Variants in RERE observed in about 807,000 individuals in gnomAD.
The protein encoded by RERE is arginine-glutamic acid dipeptide repeats protein.
Under a neutral mutation model 146.1 loss-of-function variants are expected in RERE, and 40 were observed. That is an observed-to-expected ratio of 0.27 (90% CI 0.21 to 0.36). The LOEUF (loss-of-function observed/expected upper bound fraction) is 0.36, where lower values mean the gene tolerates loss of function less well. Ranked by LOEUF, RERE falls within the 10% of genes least tolerant of loss-of-function variation. The pLI is 1.00. For synonymous variants in RERE, 1,003 were observed against 866.0 expected (o/e 1.16, Z -2.78); for missense variants, 1,933 against 2,138.7 (o/e 0.90, Z 1.90).
intron 12 of RERE, among the ~76,000 whole-genome samples, chr1:8,420,818 C>G (rs1643900416): frequency 6.6e-6 from 1 of 152,078 alleles, no homozygotes; most frequent in South Asian, 2.1e-4. Context: ...AGCAAAGAGG[C>G]TAGTGGAAAA....
At chr1:8,702,517 C>T (rs1464393435) in intron 1 of RERE, among the ~76,000 whole-genome samples, 1 of 152,138 alleles carries the variant, frequency 6.6e-6, no homozygotes, top group Non-Finnish European at 1.5e-5. Context: ...AGAGTACCTC[C>T]GCATTTTAGC....
intron 10 of RERE, among the ~76,000 whole-genome samples, chr1:8,485,134 G>A (rs1644881765): frequency 6.6e-6 from 1 of 152,092 alleles, no homozygotes; most frequent in Non-Finnish European, 1.5e-5. Flanking sequence ...AGCCAAGGTG[G>A]GCAGATCACC....
At chr1:8,610,417 T>C (rs946289857) in intron 4 of RERE, among the ~76,000 whole-genome samples, 18 of 151,932 alleles carry the variant, frequency 1.2e-4, no homozygotes, top group South Asian at 4.2e-4. Flanking sequence ...AGTGAAACCC[T>C]ATCTCTACTA....
chr1:8,357,537 G>A (rs1463824509), intron 20 of RERE, among the ~76,000 whole-genome samples: 1 of 152,220 alleles, frequency 6.6e-6, no homozygotes, highest in Non-Finnish European at 1.5e-5. Flanking sequence ...GTCCCATGGA[G>A]CAGGTGAACC....
intron 4 of RERE, among the ~76,000 whole-genome samples, chr1:8,589,057 G>T (rs1329309495): frequency 6.6e-6 from 1 of 152,096 alleles, no homozygotes; most frequent in Non-Finnish European, 1.5e-5. Context: ...TGGGGAGGCG[G>T]AGGTTGCAGT....
At chr1:8,561,101 A>G (rs994670837) in intron 4 of RERE, among the ~76,000 whole-genome samples, 1 of 152,224 alleles carries the variant, frequency 6.6e-6, no homozygotes, top group African/African-American at 2.4e-5. Context: ...TGGTGTAGGA[A>G]TACCTACTGA....
chr1:8,448,737 T>C (rs1398204179), intron 11 of RERE, among the ~76,000 whole-genome samples: 1 of 151,840 alleles, frequency 6.6e-6, no homozygotes, highest in Non-Finnish European at 1.5e-5. Context: ...GCTGAGGCAG[T>C]AGAATCTCTT....
intron 4 of RERE, among the ~76,000 whole-genome samples, chr1:8,582,723 A>G (rs1325068986): frequency 6.6e-6 from 1 of 152,144 alleles, no homozygotes; most frequent in African/African-American, 2.4e-5. Flanking sequence ...CTCCATCTCA[A>G]AAACAAACAA....
intron 4 of RERE, among the ~76,000 whole-genome samples, chr1:8,560,277 AACCACTAATTGCCAGTAGC>A (rs1424809223): frequency 6.6e-6 from 1 of 152,162 alleles, no homozygotes; most frequent in Admixed American, 6.5e-5. Flanking sequence ...CCCGGCTTCT[AACCACTAATTGCCAGTAGC>A]ACCCATCGTC....
intron 11 of RERE, chr1:8,464,834 C>T (rs556136467): frequency 1.3e-5 from 2 of 152,202 alleles, no homozygotes; most frequent in Non-Finnish European, 2.9e-5. Context: ...CTTCACCACC[C>T]CCGGCACATA....
At chr1:8,772,814 C>T (rs549141218) in intron 1 of RERE, among the ~76,000 whole-genome samples, 57 of 151,952 alleles carry the variant, frequency 3.8e-4, no homozygotes, top group Admixed American at 2.5e-3. Flanking sequence ...ATGGGCTGGG[C>T]ACAGTGGCTC....
rs371886329 is a variant in RERE at position 8,490,543 on chromosome 1, TGTTTAACAAG to T, written c.1104+4510_1104+4519del. 2.2e-3 allele frequency among the ~76,000 whole-genome samples: 328 copies of T among 150,244 alleles called. 9 individuals carry two copies. In the East Asian group the frequency reaches 0.054, roughly 25 times the overall value. The stretch of plus-strand genomic sequence containing the variant: ...AAAAGCTTATAAACAACCAGAATGT[TGTTTAACAAG>T]GTTAAAGAATATGAAAAAATTGTGA... On this transcript the variant is annotated intron_variant, in intron 10 of 22. Transcript: ENST00000400908.
At chr1:8,688,757 G>A (rs1403288813) in intron 1 of RERE, among the ~76,000 whole-genome samples, 1 of 152,090 alleles carries the variant, frequency 6.6e-6, no homozygotes, top group African/African-American at 2.4e-5. Flanking sequence ...TATACCATGA[G>A]ATATCCAACA....
intron 1 of RERE, among the ~76,000 whole-genome samples, chr1:8,774,951 C>CTTTTTTTTTTTTTTTTT (rs869173167): frequency 1.5e-4 from 7 of 47,944 alleles, no homozygotes; most frequent in Non-Finnish European, 2.0e-4. Flanking sequence ...TTCTTTCTTT[C>CTTTTTTTTTTTTTTTTT]TTTTTTTTTT....
At chr1:8,503,087 AAAATAAATAAATAAAT>A (rs199506860) in intron 8 of RERE, among the ~76,000 whole-genome samples, 1,839 of 144,650 alleles carry the variant, frequency 0.013, 20 homozygotes, top group Middle Eastern at 0.024. Flanking sequence ...TGATCAATTA[AAAATAAATAAATAAAT>A]AAATAAATAA....
intron 1 of RERE, among the ~76,000 whole-genome samples, chr1:8,662,794 T>A (rs760743696): frequency 6.6e-6 from 1 of 152,170 alleles, no homozygotes; most frequent in African/African-American, 2.4e-5. Flanking sequence ...GAAGCCAAGA[T>A]CCAAGTTCTT....
intron 10 of RERE, among the ~76,000 whole-genome samples, chr1:8,483,178 A>G (rs1268370129): frequency 2.6e-5 from 4 of 152,236 alleles, no homozygotes; most frequent in African/African-American, 9.6e-5. Flanking sequence ...ATCCTGAACG[A>G]CAAGAAAACC....
chr1:8,546,832 A>C (rs1645868193), intron 6 of RERE, among the ~76,000 whole-genome samples: 1 of 151,736 alleles, frequency 6.6e-6, no homozygotes, highest in Non-Finnish European at 1.5e-5. Context: ...CGACAGAGCA[A>C]GACTTCGTCT....
chr1:8,502,157 G>A (rs1645175776), intron 8 of RERE, among the ~76,000 whole-genome samples: 1 of 32,954 alleles, frequency 3.0e-5, no homozygotes, highest in Non-Finnish European at 5.5e-5. Context: ...GTCCGGGAGG[G>A]AGGTGGTGGG....
Sources: allele counts gnomAD v4.1 joint callset (sites outside exome capture counted in the v4.1 genomes callset), GRCh38; gene constraint gnomAD v4.1.1; transcripts MANE v1.5; gene names NCBI Gene and HGNC (gene_info 2026-07-23, HGNC 2026-07-21).